Variants in HOOK1 observed in about 807,000 individuals in gnomAD.
HOOK1 encodes the protein hook microtubule tethering protein 1, also known as protein Hook homolog 1.
A neutral mutation model predicts 112.8 loss-of-function variants in HOOK1; 60 were observed. That is an observed-to-expected ratio of 0.53 (90% CI 0.43 to 0.66). The LOEUF (loss-of-function observed/expected upper bound fraction) is 0.66. Among genes scored for constraint, HOOK1 ranks in the 30% least tolerant of loss-of-function variants. HOOK1 has a pLI of 0.00. For synonymous variants in HOOK1, 294 were observed against 283.8 expected (o/e 1.04, Z -0.36); for missense variants, 770 against 856.0 (o/e 0.90, Z 1.25).
At chr1:59,822,982 T>C (rs552847617) in intron 2 of HOOK1, among the ~76,000 whole-genome samples, 7 of 152,326 alleles carry the variant, frequency 4.6e-5, no homozygotes, top group South Asian at 2.1e-4. Flanking sequence ...TTGACAGTTA[T>C]TGTAAAACAT....
intron 20 of HOOK1, among the ~76,000 whole-genome samples, chr1:59,869,870 A>G (rs568928692): frequency 1.3e-5 from 2 of 152,292 alleles, no homozygotes; most frequent in East Asian, 3.9e-4. Context: ...CTCACTCTCC[A>G]CACTGAGTCC....
chr1:59,858,913 G>C (rs754082917), intron 13 of HOOK1, 72 bp from the exon 14 acceptor site: 356 of 760,854 alleles, frequency 4.7e-4, no homozygotes, highest in Non-Finnish European at 6.8e-4. Flanking sequence ...GAGAGGGAGG[G>C]GGGGAAGGAG....
At chr1:59,831,025 C>T (rs1263098038) in intron 3 of HOOK1, among the ~76,000 whole-genome samples, 11 of 151,762 alleles carry the variant, frequency 7.2e-5, no homozygotes, top group East Asian at 3.9e-4. Context: ...CTCAGCCTCC[C>T]GAGTAGCTGG....
At position 59,875,429 on chromosome 1, in the gene HOOK1, A is replaced by T. The variant is rs72923888; in HGVS notation, c.*2464A>T. On this transcript the variant is annotated 3_prime_UTR_variant, in exon 22 of 22. Transcript: ENST00000371208. ...GTATTATTGTGATTAATCATACAGA[A>T]ATTCAGGAACTGATCAGAAGTGAGA... 251 of 152,760 alleles carry T rather than the reference A, an allele frequency of 1.6e-3. 1 individual carries two copies. Among genetic ancestry groups the T allele is most frequent in the African/African-American group, 5.8e-3 (243 of 41,592 alleles). The allele number at this position is 152,760 out of a possible 1,614,324, so 9.5% of individuals were successfully genotyped here. A position where few individuals can be genotyped will look rare whatever the true frequency, so the allele number is the denominator to read the frequency against.
At chr1:59,852,531 CTGTT>C (rs944733869) in intron 12 of HOOK1, among the ~76,000 whole-genome samples, 12 of 146,058 alleles carry the variant, frequency 8.2e-5, no homozygotes, top group African/African-American at 2.5e-5. Flanking sequence ...TTGAATTTCT[CTGTT>C]TTTTTTTTTT....
chr1:59,822,687 A>G lies in HOOK1; in HGVS notation c.149+744A>G, dbSNP rs193243410. 9.2e-5 allele frequency among the ~76,000 whole-genome samples: 14 copies of G among 152,304 alleles called. No homozygotes were observed. In the Middle Eastern group the frequency reaches 0.01, roughly 111 times the overall value. On this transcript the variant is annotated intron_variant, in intron 2 of 21. Transcript: ENST00000371208. The stretch of plus-strand genomic sequence containing the variant: ...TAATTAATAATTATAACAACTTTAT[A>G]TTAGCTTACTTTGAGACCAGAATCC...
rs2098395410 is a variant in HOOK1 at position 59,833,401 on chromosome 1, G to A, written c.274-4G>A. 2.0e-6 allele frequency: 3 copies of A among 1,494,600 alleles called. No homozygotes were observed. Among genetic ancestry groups the A allele is most frequent in the African/African-American group, 1.4e-5 (1 of 72,036 alleles). The allele number at this position is 1,494,600 out of a possible 1,614,324, so 92.6% of individuals were successfully genotyped here. ...GAGTGATCTAATTTATTTTAATATT[G>A]TAGTTTTTGGGGCAGCAGATTTCAG... is the stretch of plus-strand genomic sequence containing the variant. On this transcript the variant is annotated splice_region_variant and splice_polypyrimidine_tract_variant and intron_variant, in intron 4 of 21. Transcript: ENST00000371208.
chr1:59,828,419 A>G (rs115449949), intron 2 of HOOK1, among the ~76,000 whole-genome samples: 356 of 152,294 alleles, frequency 2.3e-3, no homozygotes, highest in Middle Eastern at 0.01. Context: ...TGGAAATAAT[A>G]ATGGAGTATT....
chr1:59,850,704 G>A (rs935798884), intron 12 of HOOK1, among the ~76,000 whole-genome samples: 1 of 151,388 alleles, frequency 6.6e-6, no homozygotes, highest in African/African-American at 2.4e-5. Context: ...TTATACATTC[G>A]TGAAAATCCA....
chr1:59,828,748 C>T (rs1208516097), intron 2 of HOOK1, 32 bp from the exon 3 acceptor site: 3 of 1,595,676 alleles, frequency 1.9e-6, no homozygotes, highest in Non-Finnish European at 2.6e-6. Flanking sequence ...AAAACATTTT[C>T]ATCTTTAGTA....
Position 59,846,571 on chromosome 1 carries a change from CT to C in HOOK1, c.789-472del, listed in dbSNP as rs1343412845. ...CCTTCCTTCCTTCCTTCCTTCCTTC[CT>C]TCCTTCCTTCCTTCCTCCCTCCTCC... On this transcript the variant is annotated intron_variant, in intron 9 of 21. Coordinates refer to ENST00000371208, the MANE Select transcript of HOOK1 (RefSeq NM_015888.6). 6.1e-3 allele frequency among the ~76,000 whole-genome samples: 489 copies of C among 80,258 alleles called. 31 individuals carry two copies. The highest frequency in any genetic ancestry group is 0.011 in the South Asian group (22 of 1,930). The allele number at this position is 80,258 out of a possible 152,430, so 52.7% of individuals were successfully genotyped here.
chr1:59,860,719 C>CA (rs1332265898), intron 15 of HOOK1, among the ~76,000 whole-genome samples: 1 of 151,642 alleles, frequency 6.6e-6, no homozygotes, highest in Non-Finnish European at 1.5e-5. Flanking sequence ...TGAATAGCTG[C>CA]AATTAGAGAC....
In HOOK1 at chr1:59,833,261, G is replaced by A. The variant is rs966519046; in HGVS notation, c.274-144G>A. On this transcript the variant is annotated intron_variant, in intron 4 of 21. Coordinates refer to ENST00000371208, the MANE Select transcript of HOOK1 (RefSeq NM_015888.6). ...GAATGTTGCCTGAACATTGCTAACTGGTTTTAATAATTATTTATTTGTCAT... is the reference window on the plus strand; with the variant it reads ...GAATGTTGCCTGAACATTGCTAACTAGTTTTAATAATTATTTATTTGTCAT... 2.1e-5 allele frequency: 14 copies of A among 658,426 alleles called. No homozygotes were observed. In the African/African-American group the frequency reaches 2.4e-4, roughly 11 times the overall value. The allele number at this position is 658,426 out of a possible 1,614,324, so 40.8% of individuals were successfully genotyped here.
At chr1:59,827,127 A>C (rs1356273139) in intron 2 of HOOK1, among the ~76,000 whole-genome samples, 1 of 152,122 alleles carries the variant, frequency 6.6e-6, no homozygotes, top group African/African-American at 2.4e-5. Flanking sequence ...TAAATTCTGC[A>C]GGGTAAGCCA....
chr1:59,848,846 T>G (rs2294949), intron 11 of HOOK1, among the ~76,000 whole-genome samples: 22,822 of 151,508 alleles, frequency 0.15, 2,694 homozygotes, highest in African/African-American at 0.33. Context: ...ATAGCATTAG[T>G]AGGCTGACTT....
In HOOK1 at chr1:59,859,431, ACTTAT is replaced by A. The variant is rs199616843; in HGVS notation, c.1391+390_1391+394del. Among the ~76,000 whole-genome samples the A allele has an allele frequency of 7.5e-3, 1,134 of 152,152 alleles. 15 individuals carry two copies. Among genetic ancestry groups the A allele is most frequent in the African/African-American group, 0.025 (1,048 of 41,560 alleles). ...GTAAATGTATAAAGGGAGAAAAGTTACTTATCTTGCTTAGTGGGGAGTCAATCATT... is the reference window on the plus strand; with the variant it reads ...GTAAATGTATAAAGGGAGAAAAGTTACTTGCTTAGTGGGGAGTCAATCATT... On this transcript the variant is annotated intron_variant, in intron 14 of 21. Transcript: ENST00000371208.
At chr1:59,861,511 T>C (rs1001712261) in intron 15 of HOOK1, among the ~76,000 whole-genome samples, 2 of 152,216 alleles carry the variant, frequency 1.3e-5, no homozygotes, top group African/African-American at 4.8e-5. Context: ...AAACTTATTA[T>C]ATGCTTTTCT....
chr1:59,838,640 C>A (rs1228456064), intron 7 of HOOK1, among the ~76,000 whole-genome samples: 3 of 152,008 alleles, frequency 2.0e-5, no homozygotes, highest in Non-Finnish European at 1.5e-5. Context: ...TTTTCCCATT[C>A]TGTAGGTTGC....
chr1:59,868,319 G>A lies in HOOK1; in HGVS notation c.1915G>A (p.Ala639Thr). Residue 639 changes from alanine to threonine, a missense_variant, in exon 20 of 22, where the codon GCA becomes ACA. Ala to Thr is a moderately conservative substitution (Grantham distance 58). Transcript: ENST00000371208. Reference protein sequence around the residue: ...AEIMLLRKQLAEKERRIEILE... With the variant: ...AEIMLLRKQLTEKERRIEILE... ...AATAATGCTACTAAGAAAGCAGTTG[G>A]CAGAGAAAGAGAGAAGAATTGAGAT... 1 of 1,609,482 alleles carries A rather than the reference G, an allele frequency of 6.2e-7. No homozygotes were observed. The highest frequency in any genetic ancestry group is 1.3e-5 in the African/African-American group (1 of 74,898).
Sources: gnomAD v4.1 joint callset for allele counts (sites outside exome capture counted in the v4.1 genomes callset) on GRCh38, gnomAD v4.1.1 for gene constraint, MANE v1.5 for transcripts, NCBI Gene and HGNC (gene_info 2026-07-23, HGNC 2026-07-21) for gene names.